The following NR1I2 variants were observed in gnomAD, a reference collection of about 807,000 sequenced individuals.
The protein encoded by NR1I2 is nuclear receptor subfamily 1 group I member 2, also known as orphan nuclear receptor PAR1.
NR1I2 carries 42 observed loss-of-function variants against 43.3 expected under a neutral mutation model. The observed-to-expected ratio is 0.97, with a 90% confidence interval of 0.76 to 1.26. NR1I2 has a LOEUF of 1.26. Among genes scored for constraint, NR1I2 ranks in the 50% most tolerant of loss-of-function variants. The pLI is 0.00. For missense variants in NR1I2, 559 were observed against 566.7 expected (o/e 0.99, Z 0.14); for synonymous variants, 229 against 215.0 (o/e 1.06, Z -0.57).
At chr3:119,811,468 C>T in intron 3 of NR1I2, 71 bp from the exon 4 acceptor site, 1 of 1,458,750 alleles carries the variant, frequency 6.9e-7, no homozygotes. Flanking sequence ...GAGGGTTACA[C>T]AGTGGCTCTC....
At chr3:119,782,916 T>C (rs948567833) in intron 1 of NR1I2, 1 of 1,333,332 alleles carries the variant, frequency 7.5e-7, no homozygotes, top group Non-Finnish European at 1.1e-6. Flanking sequence ...CTTGCCTGCA[T>C]GTGGTCAGTG....
intron 1 of NR1I2, among the ~76,000 whole-genome samples, chr3:119,784,400 C>T (rs537582034): frequency 3.3e-5 from 5 of 152,088 alleles, no homozygotes; most frequent in African/African-American, 4.8e-5. Context: ...TATTTTATGT[C>T]GGATTTTTTT....
At chr3:119,797,122 C>A (rs1276495940) in intron 1 of NR1I2, among the ~76,000 whole-genome samples, 1 of 151,876 alleles carries the variant, frequency 6.6e-6, no homozygotes, top group Non-Finnish European at 1.5e-5. Flanking sequence ...TCATGGAAGA[C>A]CTCCCTTCTC....
At chr3:119,811,383 C>T (rs957572223) in intron 3 of NR1I2, 156 bp from the exon 4 acceptor site, 11 of 703,088 alleles carry the variant, frequency 1.6e-5, no homozygotes, top group Non-Finnish European at 2.6e-5. Flanking sequence ...GCCCACAGGC[C>T]TCTTGAGTCC....
intron 2 of NR1I2, 67 bp from the exon 3 acceptor site, chr3:119,809,994 C>G: frequency 6.2e-7 from 1 of 1,603,938 alleles, no homozygotes; most frequent in Non-Finnish European, 8.5e-7. Context: ...GGTGGTATGG[C>G]CCGGAGCCCC....
At chr3:119,804,506 G>A (rs563966525) in intron 1 of NR1I2, among the ~76,000 whole-genome samples, 55 of 146,216 alleles carry the variant, frequency 3.8e-4, no homozygotes, top group African/African-American at 1.1e-3. Flanking sequence ...GTGCAGTGGC[G>A]CGATTTCGGC....
chr3:119,792,289 G>T, intron 1 of NR1I2: 2 of 1,486,868 alleles, frequency 1.3e-6, no homozygotes, highest in African/African-American at 1.4e-5. Context: ...CTTATGGAGC[G>T]AGCAGCCACC....
chr3:119,798,262 T>G (rs951746571), intron 1 of NR1I2, among the ~76,000 whole-genome samples: 1 of 152,200 alleles, frequency 6.6e-6, no homozygotes, highest in Non-Finnish European at 1.5e-5. Flanking sequence ...GTTGACCTAA[T>G]TTTGAACTCA....
chr3:119,798,044 G>T (rs79073130), intron 1 of NR1I2, among the ~76,000 whole-genome samples: 2,887 of 151,996 alleles, frequency 0.019, 38 homozygotes, highest in Middle Eastern at 0.088. Context: ...GCAATTTTAC[G>T]ATGTGTGGGT....
intron 8 of NR1I2, 83 bp from the exon 9 acceptor site, chr3:119,816,985 T>G (rs1278586047): frequency 3.2e-6 from 5 of 1,569,386 alleles, no homozygotes; most frequent in Admixed American, 1.7e-5. Context: ...CCAGAGATTA[T>G]GCTTGTGCAG....
chr3:119,794,754 A>G (rs1375491015), intron 1 of NR1I2, among the ~76,000 whole-genome samples: 2 of 152,150 alleles, frequency 1.3e-5, no homozygotes, highest in South Asian at 2.1e-4. Flanking sequence ...CCTGGCCAAC[A>G]TGGTGAAAAA....
intron 3 of NR1I2, 184 bp from the exon 4 acceptor site, chr3:119,811,355 A>C: frequency 1.6e-6 from 1 of 613,292 alleles, no homozygotes; most frequent in Non-Finnish European, 2.8e-6. Flanking sequence ...GTCCTCACCC[A>C]AGTGTTTCTC....
At position 119,792,190 on chromosome 3, in the gene NR1I2, C is replaced by T. The variant is rs565656492; in HGVS notation, c.-23+9890C>T. ...GAGCGTGTGCTGCCATCCATCACTA[C>T]TGAGATCCTCAAGTCAGTGGTGGCT... On this transcript the variant is annotated intron_variant, in intron 1 of 8. Transcript: ENST00000393716. 104 of 1,171,622 alleles carry T rather than the reference C, an allele frequency of 8.9e-5. 1 individual carries two copies. In the East Asian group the frequency reaches 1.0e-3, roughly 11 times the overall value. The allele number at this position is 1,171,622 out of a possible 1,614,324, so 72.6% of individuals were successfully genotyped here.
At chr3:119,788,657 C>T (rs889522557) in intron 1 of NR1I2, among the ~76,000 whole-genome samples, 16 of 151,522 alleles carry the variant, frequency 1.1e-4, no homozygotes, top group Non-Finnish European at 1.8e-4. Flanking sequence ...AGACTTGTCT[C>T]GAACTCCTGG....
chr3:119,785,648 G>A (rs1202301540), intron 1 of NR1I2, among the ~76,000 whole-genome samples: 1 of 152,168 alleles, frequency 6.6e-6, no homozygotes, highest in Non-Finnish European at 1.5e-5. Context: ...AGGCCTACAG[G>A]AGTCCAGAAA....
intron 1 of NR1I2, among the ~76,000 whole-genome samples, chr3:119,803,118 G>A (rs2055102665): frequency 1.3e-5 from 2 of 151,774 alleles, no homozygotes; most frequent in Admixed American, 1.3e-4. Flanking sequence ...GATCACTTGA[G>A]CCCAGAAGTT....
Position 119,815,800 on chromosome 3 carries a change from AT to A in NR1I2, c.1131del (p.Ile377MetfsTer15). 3 of 1,613,054 alleles carry A rather than the reference AT, an allele frequency of 1.9e-6. No individual in the cohort carries two copies. The highest frequency in any genetic ancestry group is 2.5e-6 in the Non-Finnish European group (3 of 1,179,576). ...ATTCGCCATTACTCTGAAGTCCTAC[AT>A]TGAATGCAATCGGCCCCAGCCTGCT... On this transcript the variant is annotated frameshift_variant, in exon 8 of 9. Transcript: ENST00000393716. LOFTEE classifies it high-confidence loss of function.
At chr3:119,786,122 A>T (rs2054839725) in intron 1 of NR1I2, among the ~76,000 whole-genome samples, 1 of 152,220 alleles carries the variant, frequency 6.6e-6, no homozygotes. Context: ...TCCAATAGCC[A>T]CTAGGACCCT....
chr3:119,792,085 A>G (rs770970423), intron 1 of NR1I2: 32 of 753,534 alleles, frequency 4.2e-5, no homozygotes, highest in Non-Finnish European at 5.4e-5. Context: ...CAGAATGTCA[A>G]TATCATTCCG....
Sources: allele counts gnomAD v4.1 joint callset (sites outside exome capture counted in the v4.1 genomes callset), GRCh38; gene constraint gnomAD v4.1.1; transcripts MANE v1.5; gene names NCBI Gene and HGNC (gene_info 2026-07-23, HGNC 2026-07-21).